The following ITM2B variants were observed in gnomAD, a reference collection of about 807,000 sequenced individuals.
ITM2B encodes ABri/ADan amyloid peptide.
ITM2B carries 11 observed loss-of-function variants against 27.8 expected under a neutral mutation model. That is an observed-to-expected ratio of 0.40 (90% CI 0.25 to 0.66). The LOEUF (loss-of-function observed/expected upper bound fraction) is 0.66. Among genes scored for constraint, ITM2B ranks in the 30% least tolerant of loss-of-function variants. The probability of loss-of-function intolerance (pLI) is 0.43; values close to 1 mark genes in which losing one functional copy is unlikely to be tolerated. For missense variants in ITM2B, 296 were observed against 328.9 expected (o/e 0.90, Z 0.77); for synonymous variants, 114 against 114.3 (o/e 1.00, Z 0.02).
intron 1 of ITM2B, among the ~76,000 whole-genome samples, chr13:48,247,251 A>G (rs1330781227): frequency 6.6e-6 from 1 of 152,130 alleles, no homozygotes; most frequent in East Asian, 1.9e-4. Flanking sequence ...ATGCACCCCC[A>G]TATTTACCTA....
chr13:48,261,258 T>TA lies in ITM2B; in HGVS notation c.*35dup, dbSNP rs1566164868. 7.3e-7 allele frequency: 1 copy of TA among 1,362,414 alleles called. No individual in the cohort carries two copies. The highest frequency in any genetic ancestry group is 1.1e-6 in the Non-Finnish European group (1 of 951,090). 84.4% of individuals were successfully genotyped at this position (1,362,414 alleles called of 1,614,324 possible). On this transcript the variant is annotated 3_prime_UTR_variant, in exon 6 of 6. Coordinates refer to ENST00000647800, the MANE Select transcript of ITM2B (RefSeq NM_021999.5). The stretch of plus-strand genomic sequence containing the variant: ...GAAAAACATTATTGAGGAAAATTAA[T>TA]ATCACAGCATAACCCCACCCTTTAC...
intron 1 of ITM2B, among the ~76,000 whole-genome samples, chr13:48,239,633 A>G (rs1268691321): frequency 6.6e-6 from 1 of 152,234 alleles, no homozygotes; most frequent in Non-Finnish European, 1.5e-5. Flanking sequence ...CTCTGTCTCA[A>G]AAAACAAAAG....
chr13:48,244,393 A>T (rs1354514291), intron 1 of ITM2B, among the ~76,000 whole-genome samples: 1 of 152,246 alleles, frequency 6.6e-6, no homozygotes, highest in Non-Finnish European at 1.5e-5. Flanking sequence ...TTTACTGCAC[A>T]TGCCTTCAGT....
chr13:48,237,137 AGT>A (rs1172040342), intron 1 of ITM2B, among the ~76,000 whole-genome samples: 1 of 151,994 alleles, frequency 6.6e-6, no homozygotes, highest in Non-Finnish European at 1.5e-5. Context: ...TTTTTTGGGG[AGT>A]GAGGAGAAGG....
chr13:48,241,932 G>C (rs922525616), intron 1 of ITM2B, among the ~76,000 whole-genome samples: 2 of 152,174 alleles, frequency 1.3e-5, no homozygotes, highest in African/African-American at 4.8e-5. Flanking sequence ...CCCTGAACGG[G>C]TGTGTTCCTG....
rs1258667034 is a variant in ITM2B, at chr13:48,233,399, G to GGAGGCCAAGAAGGAC, written c.43_57dup (p.Ala15_Glu19dup). On this transcript the variant is annotated inframe_insertion, in exon 1 of 6. Transcript: ENST00000647800. ...CGTTCAACTCCGCTCTGGCCCAGAA[G>GGAGGCCAAGAAGGAC]GAGGCCAAGAAGGACGAGCCCAAGA... 1 of 1,564,928 alleles carries GGAGGCCAAGAAGGAC rather than the reference G, an allele frequency of 6.4e-7. No homozygotes were observed. The highest frequency in any genetic ancestry group is 1.4e-5 in the African/African-American group (1 of 71,250).
intron 1 of ITM2B, among the ~76,000 whole-genome samples, chr13:48,238,733 G>A (rs747203003): frequency 7.9e-5 from 12 of 152,084 alleles, no homozygotes; most frequent in Non-Finnish European, 1.6e-4. Flanking sequence ...TGCATAAACC[G>A]TTTTTGGCAT....
At chr13:48,245,173 A>G (rs1485698002) in intron 1 of ITM2B, among the ~76,000 whole-genome samples, 1 of 152,184 alleles carries the variant, frequency 6.6e-6, no homozygotes, top group Non-Finnish European at 1.5e-5. Flanking sequence ...TGAAAATACA[A>G]CAGTTAGCTG....
Position 48,258,772 on chromosome 13 carries a change from G to T in ITM2B, c.565-25G>T, listed in dbSNP as rs748421647. 3 of 1,608,366 alleles carry T rather than the reference G, an allele frequency of 1.9e-6. No individual in the cohort carries two copies. In the Admixed American group the frequency reaches 5.0e-5, roughly 27 times the overall value. On this transcript the variant is annotated intron_variant, in intron 4 of 5. Transcript: ENST00000647800. ...TCAGTGTATGTTCTGAGATAGTCATGTCATGTATTCTTTTCTGAATGTAGG... is the reference window on the plus strand; with the variant it reads ...TCAGTGTATGTTCTGAGATAGTCATTTCATGTATTCTTTTCTGAATGTAGG...
intron 3 of ITM2B, among the ~76,000 whole-genome samples, chr13:48,257,167 A>G (rs1205135961): frequency 6.6e-6 from 1 of 152,230 alleles, no homozygotes; most frequent in Non-Finnish European, 1.5e-5. Flanking sequence ...ATACTATAAT[A>G]AAAGTTATGT....
At chr13:48,238,872 A>T (rs1294650675) in intron 1 of ITM2B, among the ~76,000 whole-genome samples, 1 of 152,212 alleles carries the variant, frequency 6.6e-6, no homozygotes, top group African/African-American at 2.4e-5. Flanking sequence ...AAGGAGTAAA[A>T]GAATGGTACT....
rs139966003 is a variant in ITM2B, at chr13:48,241,437, C to T, written c.117+7960C>T. ...ATGTTGACCAGGCTGGTCTGGAACT[C>T]CTGACCTCAAGTGGTCCACCCACCT... On this transcript the variant is annotated intron_variant, in intron 1 of 5. Transcript: ENST00000647800. Among the ~76,000 whole-genome samples, 924 of 152,262 alleles carry T rather than the reference C, an allele frequency of 6.1e-3. 10 individuals carry two copies. Among genetic ancestry groups the T allele is most frequent in the African/African-American group, 0.021 (880 of 41,552 alleles).
intron 1 of ITM2B, among the ~76,000 whole-genome samples, chr13:48,245,671 AAATTTT>A (rs1396626566): frequency 6.6e-6 from 1 of 151,946 alleles, no homozygotes; most frequent in Non-Finnish European, 1.5e-5. Flanking sequence ...CAGTGGCTTT[AAATTTT>A]AATTTTTTTT....
At position 48,261,898 on chromosome 13, in the gene ITM2B, A is replaced by C. The variant is rs1158370184; in HGVS notation, c.*674A>C. ...AGACTGCGTGTTGTTTTTCCCGTAT[A>C]ATAAAACCAAAGAATAGTTTGGTTC... On this transcript the variant is annotated 3_prime_UTR_variant, in exon 6 of 6. Transcript: ENST00000647800. 6.6e-6 allele frequency: 1 copy of C among 152,592 alleles called. No homozygotes were observed. Among genetic ancestry groups the C allele is most frequent in the African/African-American group, 2.4e-5 (1 of 41,448 alleles). 9.5% of individuals were successfully genotyped at this position (152,592 alleles called of 1,614,324 possible). A position where few individuals can be genotyped will look rare whatever the true frequency, so the allele number is the denominator to read the frequency against.
intron 1 of ITM2B, among the ~76,000 whole-genome samples, chr13:48,253,270 C>A (rs894846518): frequency 6.6e-6 from 1 of 151,978 alleles, no homozygotes; most frequent in Non-Finnish European, 1.5e-5. Context: ...ATTTTAGTAT[C>A]ATTGTTTGTT....
intron 1 of ITM2B, among the ~76,000 whole-genome samples, chr13:48,240,507 T>A (rs1290999174): frequency 6.6e-6 from 1 of 152,212 alleles, no homozygotes; most frequent in Non-Finnish European, 1.5e-5. Flanking sequence ...GAATATTACT[T>A]CTTATATTAC....
At position 48,270,012 on chromosome 13, in the gene ITM2B, G is replaced by C. The variant is rs532204639; in HGVS notation, c.*8788G>C. The C allele has an allele frequency of 4.4e-4, 67 of 152,332 alleles. No homozygotes were observed. The highest frequency in any genetic ancestry group is 1.5e-3 in the African/African-American group (63 of 41,564). The allele number at this position is 152,332 out of a possible 1,614,324, so 9.4% of individuals were successfully genotyped here. A position where few individuals can be genotyped will look rare whatever the true frequency, so the allele number is the denominator to read the frequency against. ...TTTTCTCACAGAGGCTTTTCCAGAA[G>C]GTGGTCATTTCCATAGCCCATGTGG... is the stretch of plus-strand genomic sequence containing the variant. On this transcript the variant is annotated 3_prime_UTR_variant, in exon 6 of 6. Transcript: ENST00000647800.
chr13:48,241,533 C>T (rs1222856527), intron 1 of ITM2B, among the ~76,000 whole-genome samples: 1 of 152,122 alleles, frequency 6.6e-6, no homozygotes, highest in African/African-American at 2.4e-5. Flanking sequence ...CTTTTAACTC[C>T]CTATTTCTCT....
At position 48,258,208 on chromosome 13, in the gene ITM2B, AC is replaced by A; in HGVS notation, c.538del (p.Leu180TyrfsTer19). 2 of 1,579,366 alleles carry A rather than the reference AC, an allele frequency of 1.3e-6. No individual in the cohort carries two copies. Among genetic ancestry groups the A allele is most frequent in the Non-Finnish European group, 1.7e-6 (2 of 1,148,604 alleles). On this transcript the variant is annotated frameshift_variant, in exon 4 of 6. Coordinates refer to ENST00000647800, the MANE Select transcript of ITM2B (RefSeq NM_021999.5). LOFTEE classifies it high-confidence loss of function. Reference protein sequence around the residue: ...LNTSIVMPPRNLLELLINIKA... With the variant: ...LNTSIVMPPRXLLELLINIKA... The stretch of plus-strand genomic sequence containing the variant: ...ACTTCCATTGTTATGCCACCCAGAA[AC>A]CTACTGGAGTTACTTATTAACATCA...
Sources: gnomAD v4.1 joint callset for allele counts (sites outside exome capture counted in the v4.1 genomes callset) on GRCh38, gnomAD v4.1.1 for gene constraint, MANE v1.5 for transcripts, NCBI Gene and HGNC (gene_info 2026-07-23, HGNC 2026-07-21) for gene names.